Variants in HPF1 observed in about 807,000 individuals in gnomAD.
The protein encoded by HPF1 is UPF0609 protein C4orf27.
In HPF1, 35 loss-of-function variants were observed where a neutral mutation model predicts 38.8. That is an observed-to-expected ratio of 0.90 (90% confidence interval 0.69 to 1.19). The LOEUF (loss-of-function observed/expected upper bound fraction) is 1.19. Ranked by LOEUF, HPF1 falls within the 50% of genes most tolerant of loss-of-function variation. The pLI is 0.00. For synonymous variants in HPF1, 115 were observed against 139.2 expected (o/e 0.83, Z 1.22); for missense variants, 367 against 405.8 (o/e 0.90, Z 0.82).
intron 3 of HPF1, 52 bp downstream of exon 3, chr4:169,750,484 C>T: frequency 7.5e-7 from 1 of 1,339,830 alleles, no homozygotes; most frequent in Non-Finnish European, 1.0e-6. Flanking sequence ...ACTATTTATC[C>T]TCATTAGCAG....
At chr4:169,756,579 T>C (rs1346648110) in intron 1 of HPF1, among the ~76,000 whole-genome samples, 1 of 152,250 alleles carries the variant, frequency 6.6e-6, no homozygotes, top group African/African-American at 2.4e-5. Context: ...ACTTAACCTC[T>C]CTGTGCTTTG....
At chr4:169,740,704 TA>T (rs1160596838) in intron 5 of HPF1, among the ~76,000 whole-genome samples, 1 of 152,142 alleles carries the variant, frequency 6.6e-6, no homozygotes, top group Non-Finnish European at 1.5e-5. Flanking sequence ...TGTTTTTGTA[TA>T]AAAAACAAAT....
Position 169,729,541 on chromosome 4 carries a change from C to T in HPF1, c.*37G>A. On this transcript the variant is annotated 3_prime_UTR_variant, in exon 8 of 8. Transcript: ENST00000393381. ...CAAAAATCACAAGTTTAATACTAGT[C>T]CTTTGAAATACTGTACACCAATCAA... 1 of 1,389,568 alleles carries T rather than the reference C, an allele frequency of 7.2e-7. No individual in the cohort carries two copies. Among genetic ancestry groups the T allele is most frequent in the Non-Finnish European group, 9.4e-7 (1 of 1,059,860 alleles). 86.1% of individuals were successfully genotyped at this position (1,389,568 alleles called of 1,614,324 possible).
At chr4:169,757,762 CT>C in intron 1 of HPF1, 67 bp downstream of exon 1, 1 of 1,382,990 alleles carries the variant, frequency 7.2e-7, no homozygotes, top group Non-Finnish European at 9.9e-7. Flanking sequence ...ATGAAAAGCG[CT>C]GCCTCCTGGT....
rs34941625 is a variant in HPF1 at position 169,743,409 on chromosome 4, CTTTT to C, written c.498-1306_498-1303del. The stretch of plus-strand genomic sequence containing the variant: ...ACAGGCGTGAGCCACTGCCCCTGGC[CTTTT>C]TTTTTTTTTTTTTTTTTTTTTCATT... On this transcript the variant is annotated intron_variant, in intron 4 of 7. Transcript: ENST00000393381. Among the ~76,000 whole-genome samples, 294 of 69,728 alleles carry C rather than the reference CTTTT, an allele frequency of 4.2e-3. 2 individuals carry two copies. The highest frequency in any genetic ancestry group is 0.018 in the African/African-American group (275 of 15,420). The allele number at this position is 69,728 out of a possible 152,430, so 45.7% of individuals were successfully genotyped here.
At chr4:169,751,476 C>A (rs998086625) in intron 2 of HPF1, among the ~76,000 whole-genome samples, 23 of 151,924 alleles carry the variant, frequency 1.5e-4, no homozygotes, top group Non-Finnish European at 5.9e-5. Flanking sequence ...ACACCAGATT[C>A]CCCTGACTCT....
chr4:169,734,337 G>A (rs899069275), intron 6 of HPF1, among the ~76,000 whole-genome samples: 4 of 152,108 alleles, frequency 2.6e-5, no homozygotes, highest in African/African-American at 9.7e-5. Flanking sequence ...AATCTCTCTC[G>A]CTGTGCTCCA....
intron 1 of HPF1, 124 bp from the exon 2 acceptor site, chr4:169,753,959 TG>T (rs1195298907): frequency 1.4e-6 from 1 of 731,200 alleles, no homozygotes; most frequent in African/African-American, 1.8e-5. Context: ...ACTCTCTAAA[TG>T]GTCTTTGAGT....
At chr4:169,753,437 C>G (rs1435526988) in intron 2 of HPF1, among the ~76,000 whole-genome samples, 2 of 152,202 alleles carry the variant, frequency 1.3e-5, no homozygotes, top group Non-Finnish European at 1.5e-5. Flanking sequence ...GGGATCCTCC[C>G]ATCTCAGTCT....
rs574726629 is a variant in HPF1 at position 169,743,008 on chromosome 4, C to T, written c.498-901G>A. The stretch of plus-strand genomic sequence containing the variant: ...CACAGCTACCCGGGAGGCTGGGGTA[C>T]GAGAACCACTTGAACCCGGGAGGTA... On this transcript the variant is annotated intron_variant, in intron 4 of 7. Transcript: ENST00000393381. 1.2e-3 allele frequency among the ~76,000 whole-genome samples: 184 copies of T among 150,588 alleles called. 1 individual carries two copies. Among genetic ancestry groups the T allele is most frequent in the African/African-American group, 4.1e-3 (167 of 41,018 alleles).
At chr4:169,757,394 A>G (rs574257091) in intron 1 of HPF1, among the ~76,000 whole-genome samples, 1 of 152,296 alleles carries the variant, frequency 6.6e-6, no homozygotes, top group South Asian at 2.1e-4. Context: ...TCTACACACC[A>G]GCGTTATAAT....
At chr4:169,744,619 A>G (rs560323085) in intron 4 of HPF1, among the ~76,000 whole-genome samples, 1 of 152,366 alleles carries the variant, frequency 6.6e-6, no homozygotes, top group African/African-American at 2.4e-5. Context: ...GTTGAAACTT[A>G]TATATCAAAT....
intron 6 of HPF1, among the ~76,000 whole-genome samples, chr4:169,736,188 C>T (rs1337876416): frequency 5.9e-5 from 9 of 151,444 alleles, no homozygotes; most frequent in South Asian, 2.1e-4. Flanking sequence ...AGACCAGCAT[C>T]GGCAACAGAG....
At chr4:169,741,372 GAACA>G (rs1043974047) in intron 5 of HPF1, among the ~76,000 whole-genome samples, 31 of 152,034 alleles carry the variant, frequency 2.0e-4, no homozygotes, top group African/African-American at 7.5e-4. Context: ...GAGGCCATAA[GAACA>G]AACTCCTATA....
intron 5 of HPF1, among the ~76,000 whole-genome samples, chr4:169,741,308 TG>T (rs1314167180): frequency 6.6e-6 from 1 of 152,202 alleles, no homozygotes; most frequent in Non-Finnish European, 1.5e-5. Context: ...TGGAGGAGAC[TG>T]GGGAGCCCTC....
chr4:169,744,517 C>T (rs1413893020), intron 4 of HPF1, among the ~76,000 whole-genome samples: 2 of 152,142 alleles, frequency 1.3e-5, no homozygotes, highest in Non-Finnish European at 2.9e-5. Context: ...AGAATGTCTT[C>T]AACGCAAATG....
intron 6 of HPF1, among the ~76,000 whole-genome samples, chr4:169,733,707 G>A (rs776063465): frequency 1.3e-5 from 2 of 152,018 alleles, no homozygotes; most frequent in Non-Finnish European, 2.9e-5. Context: ...ACCAGCCTGG[G>A]CAATGTGGTG....
chr4:169,748,682 C>T (rs1581321506), intron 4 of HPF1, 62 bp downstream of exon 4: 1 of 794,992 alleles, frequency 1.3e-6, no homozygotes. Flanking sequence ...CCTCAAACCC[C>T]CTTTGTAATG....
chr4:169,755,898 A>G (rs1734183441), intron 1 of HPF1, among the ~76,000 whole-genome samples: 2 of 152,308 alleles, frequency 1.3e-5, no homozygotes, highest in Non-Finnish European at 2.9e-5. Flanking sequence ...GGATTGGGCA[A>G]TGGGTTCACT....
Sources: gnomAD v4.1 joint callset for allele counts (sites outside exome capture counted in the v4.1 genomes callset) on GRCh38, gnomAD v4.1.1 for gene constraint, MANE v1.5 for transcripts, NCBI Gene and HGNC (gene_info 2026-07-23, HGNC 2026-07-21) for gene names.